The following SIK3 variants were observed in gnomAD, a reference collection of about 807,000 sequenced individuals.
SIK3 encodes the protein SIK family kinase 3.
In SIK3, 28 loss-of-function variants were observed where a neutral mutation model predicts 144.2. That is an observed-to-expected ratio of 0.19 (90% CI 0.14 to 0.27). SIK3 has a LOEUF of 0.27. Among genes scored for constraint, SIK3 ranks in the 10% least tolerant of loss-of-function variants. The pLI is 1.00. For synonymous variants in SIK3, 686 were observed against 676.3 expected (o/e 1.01, Z -0.22); for missense variants, 1,319 against 1,776.0 (o/e 0.74, Z 4.62).
intron 6 of SIK3, among the ~76,000 whole-genome samples, chr11:116,880,662 C>T (rs1314513979): frequency 3.9e-5 from 6 of 152,122 alleles, no homozygotes; most frequent in Non-Finnish European, 8.8e-5. Flanking sequence ...CACCATTCTA[C>T]ATAAAACATG....
chr11:116,991,522 T>C (rs144186072), intron 1 of SIK3, among the ~76,000 whole-genome samples: 94 of 152,298 alleles, frequency 6.2e-4, no homozygotes, highest in African/African-American at 1.9e-3. Context: ...CAGGTATAAT[T>C]TGAACACTCT....
intron 1 of SIK3, among the ~76,000 whole-genome samples, chr11:116,975,677 A>C (rs2135486754): frequency 6.6e-6 from 1 of 152,304 alleles, no homozygotes; most frequent in African/African-American, 2.4e-5. Flanking sequence ...AACATTCATA[A>C]AATTTTTATG....
chr11:117,092,927 C>G (rs1214399909), intron 1 of SIK3, among the ~76,000 whole-genome samples: 1 of 152,124 alleles, frequency 6.6e-6, no homozygotes, highest in African/African-American at 2.4e-5. Flanking sequence ...GGAGCTGGCA[C>G]CAAAGTCAAA....
At chr11:117,072,470 C>T (rs1449841914) in intron 1 of SIK3, among the ~76,000 whole-genome samples, 2 of 152,186 alleles carry the variant, frequency 1.3e-5, no homozygotes, top group Non-Finnish European at 2.9e-5. Context: ...TTAAAAACTA[C>T]TAACTAAAAG....
chr11:117,066,875 T>C (rs1954049446), intron 1 of SIK3, among the ~76,000 whole-genome samples: 3 of 152,186 alleles, frequency 2.0e-5, no homozygotes, highest in South Asian at 4.1e-4. Flanking sequence ...TCTGAACAAA[T>C]GCTTCACCAA....
chr11:116,947,320 CAG>C (rs1356277264), intron 3 of SIK3, among the ~76,000 whole-genome samples: 1 of 141,840 alleles, frequency 7.1e-6, no homozygotes, highest in Admixed American at 7.6e-5. Flanking sequence ...TTCTAGCAGT[CAG>C]AGAAAGGAGG....
chr11:116,870,407 G>A lies in SIK3; in HGVS notation c.1738-6C>T, dbSNP rs374670000. On this transcript the variant is annotated splice_polypyrimidine_tract_variant and splice_region_variant and intron_variant, in intron 13 of 24. Transcript: ENST00000445177. Reference sequence around the variant, plus strand: ...GGGGTAACTGCTGGCACTGCCTGAAGAGAGACAGGAAGGAAAAGCTCAAGG... The same window carrying A: ...GGGGTAACTGCTGGCACTGCCTGAAAAGAGACAGGAAGGAAAAGCTCAAGG... The A allele has an allele frequency of 6.2e-7, 1 of 1,612,278 alleles. No individual in the cohort carries two copies. The highest frequency in any genetic ancestry group is 8.5e-7 in the Non-Finnish European group (1 of 1,179,988).
intron 1 of SIK3, among the ~76,000 whole-genome samples, chr11:117,043,332 T>C (rs910105846): frequency 3.3e-5 from 5 of 152,184 alleles, no homozygotes; most frequent in Admixed American, 3.3e-4. Flanking sequence ...AACATATATA[T>C]CATCTAAACA....
chr11:117,051,355 T>C (rs1292814486), intron 1 of SIK3, among the ~76,000 whole-genome samples: 3 of 152,126 alleles, frequency 2.0e-5, no homozygotes, highest in East Asian at 3.9e-4. Flanking sequence ...AGGTTGCACA[T>C]GGCCTATCAT....
intron 1 of SIK3, among the ~76,000 whole-genome samples, chr11:117,048,209 T>C (rs1953051031): frequency 6.6e-6 from 1 of 152,184 alleles, no homozygotes; most frequent in Non-Finnish European, 1.5e-5. Flanking sequence ...ACAGGTTAAC[T>C]TGAGAAAAAC....
At chr11:117,063,261 C>T (rs572413099) in intron 1 of SIK3, among the ~76,000 whole-genome samples, 4 of 152,298 alleles carry the variant, frequency 2.6e-5, no homozygotes, top group Admixed American at 6.5e-5. Context: ...TGAGTACCCA[C>T]GTCTCAGAAG....
At chr11:116,964,119 T>C (rs1283019559) in intron 1 of SIK3, among the ~76,000 whole-genome samples, 1 of 152,096 alleles carries the variant, frequency 6.6e-6, no homozygotes, top group Admixed American at 6.6e-5. Flanking sequence ...AGCCATTCTC[T>C]CACCTCAGCC....
At chr11:116,896,843 T>C (rs946296065) in intron 5 of SIK3, among the ~76,000 whole-genome samples, 5 of 152,080 alleles carry the variant, frequency 3.3e-5, no homozygotes, top group Admixed American at 2.6e-4. Context: ...CTGGCCAACA[T>C]GGTGAAACCC....
chr11:116,975,611 G>C (rs956264431), intron 1 of SIK3, among the ~76,000 whole-genome samples: 2 of 152,022 alleles, frequency 1.3e-5, no homozygotes, highest in African/African-American at 4.8e-5. Context: ...CCATTCTTTA[G>C]TTGATGGACA....
chr11:116,987,070 T>C lies in SIK3; in HGVS notation c.274-30006A>G, dbSNP rs1208506995. Among the ~76,000 whole-genome samples, 3 of 152,156 alleles carry C rather than the reference T, an allele frequency of 2.0e-5. No individual in the cohort carries two copies. In the East Asian group the frequency reaches 5.8e-4, roughly 29 times the overall value. ...ACAACTATACAAGTGTACTTAACACTAGTGAACCGTACACTTAAAAATGGT... is the reference window on the plus strand; with the variant it reads ...ACAACTATACAAGTGTACTTAACACCAGTGAACCGTACACTTAAAAATGGT... On this transcript the variant is annotated intron_variant, in intron 1 of 24. Coordinates refer to ENST00000445177, the MANE Select transcript of SIK3 (RefSeq NM_001366686.3).
At chr11:116,863,431 G>A (rs1943458421) in intron 16 of SIK3, among the ~76,000 whole-genome samples, 3 of 152,100 alleles carry the variant, frequency 2.0e-5, no homozygotes, top group South Asian at 4.1e-4. Flanking sequence ...GGTTTGCCAC[G>A]TTGCCTAGGC....
intron 21 of SIK3, among the ~76,000 whole-genome samples, chr11:116,851,964 A>G (rs1355430942): frequency 6.6e-6 from 1 of 152,152 alleles, no homozygotes; most frequent in African/African-American, 2.4e-5. Flanking sequence ...TCATCCACTC[A>G]ATTCCTCGGG....
At chr11:117,083,521 G>T (rs1258650284) in intron 1 of SIK3, among the ~76,000 whole-genome samples, 1 of 152,154 alleles carries the variant, frequency 6.6e-6, no homozygotes, top group Non-Finnish European at 1.5e-5. Context: ...TGTTGATGTA[G>T]AAATGGAAAG....
chr11:117,084,683 G>A (rs1954931361), intron 1 of SIK3, among the ~76,000 whole-genome samples: 1 of 152,118 alleles, frequency 6.6e-6, no homozygotes. Flanking sequence ...AATGTAAACT[G>A]ATGAAAAATT....
Sources: gnomAD v4.1 joint callset for allele counts (sites outside exome capture counted in the v4.1 genomes callset) on GRCh38, gnomAD v4.1.1 for gene constraint, MANE v1.5 for transcripts, NCBI Gene and HGNC (gene_info 2026-07-23, HGNC 2026-07-21) for gene names.